The following DLGAP1 variants were observed in gnomAD, a reference collection of about 807,000 sequenced individuals.
DLGAP1 encodes the protein DLG associated protein 1.
In DLGAP1, 11 loss-of-function variants were observed where a neutral mutation model predicts 90.8. The observed-to-expected ratio is 0.12, with a 90% CI of 0.08 to 0.20. DLGAP1 has a LOEUF of 0.20. Among genes scored for constraint, DLGAP1 ranks in the 10% least tolerant of loss-of-function variants. The probability of loss-of-function intolerance (pLI) is 1.00; values close to 1 mark genes in which losing one functional copy is unlikely to be tolerated. For missense variants in DLGAP1, 1,050 were observed against 1,333.8 expected (o/e 0.79, Z 3.31); for synonymous variants, 558 against 540.7 (o/e 1.03, Z -0.44).
intron 1 of DLGAP1, among the ~76,000 whole-genome samples, chr18:4,178,202 A>AACAC (rs59444096): frequency 0.032 from 3,787 of 118,400 alleles, 110 homozygotes; most frequent in African/African-American, 0.071. Flanking sequence ...TCCTGGAATA[A>AACAC]ACACACACAC....
chr18:3,502,310 G>A, intron 12 of DLGAP1, 183 bp downstream of exon 12: 1 of 1,334,314 alleles, frequency 7.5e-7, no homozygotes, highest in Non-Finnish European at 9.6e-7. Context: ...AAATATGCCT[G>A]AAACATATTA....
At chr18:3,667,390 C>G (rs540580969) in intron 7 of DLGAP1, among the ~76,000 whole-genome samples, 3 of 152,194 alleles carry the variant, frequency 2.0e-5, no homozygotes, top group Admixed American at 1.3e-4. Context: ...CTTGGAAAAC[C>G]CTCTTAACCT....
intron 5 of DLGAP1, among the ~76,000 whole-genome samples, chr18:3,784,581 G>C (rs2065356978): frequency 6.6e-6 from 1 of 152,110 alleles, no homozygotes; most frequent in Non-Finnish European, 1.5e-5. Context: ...TGCGTTCTCT[G>C]ATTAGGCCTC....
At chr18:3,505,767 G>T (rs944233922) in intron 11 of DLGAP1, among the ~76,000 whole-genome samples, 6 of 151,960 alleles carry the variant, frequency 3.9e-5, no homozygotes, top group Admixed American at 1.3e-4. Context: ...TTTTTCTGGA[G>T]GGGCCTGGTT....
chr18:4,255,681 TCTC>T (rs1377565917), intron 1 of DLGAP1, among the ~76,000 whole-genome samples: 6 of 151,974 alleles, frequency 3.9e-5, no homozygotes, highest in Non-Finnish European at 4.4e-5. Context: ...TTAGAAATCA[TCTC>T]CACATATGTC....
intron 2 of DLGAP1, among the ~76,000 whole-genome samples, chr18:4,135,975 G>C (rs1043652220): frequency 9.2e-5 from 14 of 151,566 alleles, no homozygotes; most frequent in Non-Finnish European, 1.3e-4. Flanking sequence ...CCCATTAACT[G>C]GTCATTTACA....
At chr18:3,708,340 C>A (rs996734460) in intron 7 of DLGAP1, 3 of 446,822 alleles carry the variant, frequency 6.7e-6, no homozygotes, top group African/African-American at 4.0e-5. Context: ...ACACATCTGA[C>A]CGTTGTAAAA....
At chr18:3,923,964 T>A (rs2072324786) in intron 3 of DLGAP1, among the ~76,000 whole-genome samples, 1 of 152,234 alleles carries the variant, frequency 6.6e-6, no homozygotes, top group Non-Finnish European at 1.5e-5. Flanking sequence ...CAATCCTGCT[T>A]ACTGTTCAGC....
intron 1 of DLGAP1, among the ~76,000 whole-genome samples, chr18:4,369,195 G>A (rs1347356832): frequency 6.6e-6 from 1 of 152,170 alleles, no homozygotes; most frequent in Non-Finnish European, 1.5e-5. Context: ...CTAGGTGTAT[G>A]TTCCTTAATA....
At chr18:4,065,147 AT>A (rs1348640680) in intron 2 of DLGAP1, among the ~76,000 whole-genome samples, 1 of 152,082 alleles carries the variant, frequency 6.6e-6, no homozygotes, top group South Asian at 2.1e-4. Context: ...GTTAAAAAAA[AT>A]CTCAATAAAC....
At chr18:4,257,816 G>C (rs2078920197) in intron 1 of DLGAP1, among the ~76,000 whole-genome samples, 1 of 151,286 alleles carries the variant, frequency 6.6e-6, no homozygotes, top group Non-Finnish European at 1.5e-5. Context: ...GTAGAGACCA[G>C]GTTTCACTAT....
At chr18:3,962,146 G>A (rs892358400) in intron 3 of DLGAP1, among the ~76,000 whole-genome samples, 9 of 152,100 alleles carry the variant, frequency 5.9e-5, no homozygotes, top group Admixed American at 2.0e-4. Context: ...AGGCAGTTAC[G>A]TCTCAGTGGT....
chr18:3,681,403 G>C (rs902439252), intron 7 of DLGAP1, among the ~76,000 whole-genome samples: 3 of 152,128 alleles, frequency 2.0e-5, no homozygotes, highest in Non-Finnish European at 4.4e-5. Flanking sequence ...AAAGTGTAAG[G>C]CATTTTAAAA....
chr18:3,962,969 A>T (rs1401299810), intron 3 of DLGAP1, among the ~76,000 whole-genome samples: 3 of 151,996 alleles, frequency 2.0e-5, no homozygotes, highest in Non-Finnish European at 4.4e-5. Flanking sequence ...AAGTTTGGTG[A>T]TTCTCAGTTA....
chr18:3,879,833 T>G lies in DLGAP1; in HGVS notation c.236A>C (p.Gln79Pro), dbSNP rs781772098. ...TFPRRHYTSQ[Q>P]ELKDECALVP... The stretch of plus-strand genomic sequence containing the variant: ...CAGGGCACACTCGTCCTTCAGCTCT[T>G]GCTGCGAGGTGTAGTGCCTGCGGGG... Residue 79 changes from glutamine to proline, a missense_variant, in exon 4 of 13, where the codon CAA (glutamine) becomes CCA (proline). Coordinates refer to ENST00000315677, the MANE Select transcript of DLGAP1 (RefSeq NM_004746.4). This position sits in a 1 kb window ranked among gnomAD's most constrained non-coding sequence, Gnocchi z 6.6. 1.9e-6 allele frequency: 3 copies of G among 1,609,276 alleles called. No homozygotes were observed. Among genetic ancestry groups the G allele is most frequent in the Non-Finnish European group, 2.5e-6 (3 of 1,179,848 alleles).
intron 1 of DLGAP1, among the ~76,000 whole-genome samples, chr18:4,268,949 T>G (rs1334309130): frequency 1.3e-5 from 2 of 152,090 alleles, no homozygotes; most frequent in Non-Finnish European, 2.9e-5. Flanking sequence ...TATTCAGTAT[T>G]GTGTTATATA....
chr18:4,312,992 C>T lies in DLGAP1; in HGVS notation c.-267+142014G>A, dbSNP rs749792524. Among the ~76,000 whole-genome samples, 10 of 152,176 alleles carry T rather than the reference C, an allele frequency of 6.6e-5. No homozygotes were observed. The South Asian group carries it at 2.1e-3, about 32-fold the overall frequency. On this transcript the variant is annotated intron_variant, in intron 1 of 12. Coordinates refer to ENST00000315677, the MANE Select transcript of DLGAP1 (RefSeq NM_004746.4). ...AAGCTTTGCTTTTCCATATTGTGTC[C>T]TCATTTTACTTACTTCTTAGCCTTA...
intron 7 of DLGAP1, among the ~76,000 whole-genome samples, chr18:3,678,369 A>G (rs532734414): frequency 6.6e-6 from 1 of 152,136 alleles, no homozygotes; most frequent in South Asian, 2.1e-4. Flanking sequence ...TTGAATTCCC[A>G]TAGATTCTTT....
chr18:3,920,017 A>G (rs2072230927), intron 3 of DLGAP1, among the ~76,000 whole-genome samples: 1 of 152,200 alleles, frequency 6.6e-6, no homozygotes, highest in Non-Finnish European at 1.5e-5. Context: ...TCCTTTCCAC[A>G]TCAAACACCT....
Sources: allele counts gnomAD v4.1 joint callset (sites outside exome capture counted in the v4.1 genomes callset), GRCh38; gene constraint gnomAD v4.1.1; non-coding constraint Gnocchi (gnomAD v3.1); transcripts MANE v1.5; gene names NCBI Gene and HGNC (gene_info 2026-07-23, HGNC 2026-07-21).